CXCL8: variants seen among roughly 807,000 people sequenced by gnomAD.
CXCL8 encodes interleukin-8.
CXCL8 carries 12 observed loss-of-function variants against 10.9 expected under a neutral mutation model. That is an observed-to-expected ratio of 1.10 (90% CI 0.71 to 1.79). CXCL8 has a LOEUF of 1.79. Among genes scored for constraint, CXCL8 ranks in the 40% most tolerant of loss-of-function variants. The pLI, the probability that CXCL8 is intolerant of heterozygous loss-of-function variation, is 0.00. For synonymous variants in CXCL8, 41 were observed against 39.6 expected (o/e 1.03, Z -0.13); for missense variants, 145 against 113.4 (o/e 1.28, Z -1.26).
chr4:73,742,205 G>T (rs1374483606), intron 3 of CXCL8, 173 bp downstream of exon 3: 2 of 585,852 alleles, frequency 3.4e-6, no homozygotes, highest in Admixed American at 3.4e-5. Context: ...TGACCAGAAA[G>T]ACCATACATA....
In CXCL8 at chr4:73,742,834, T is replaced by C. The variant is rs1729218321; in HGVS notation, c.*370T>C. 4 of 236,180 alleles carry C rather than the reference T, an allele frequency of 1.7e-5. No individual in the cohort carries two copies. The Admixed American group carries it at 2.2e-4, about 13-fold the overall frequency. 14.6% of individuals were successfully genotyped at this position (236,180 alleles called of 1,614,324 possible). ...ATTGAATGGGTTTGCTAGAATGTGATATTTGAAGCATCACATAAAAATGAT... is the reference window on the plus strand; with the variant it reads ...ATTGAATGGGTTTGCTAGAATGTGACATTTGAAGCATCACATAAAAATGAT... On this transcript the variant is annotated 3_prime_UTR_variant, in exon 4 of 4. Coordinates refer to ENST00000307407, the MANE Select transcript of CXCL8 (RefSeq NM_000584.4).
In CXCL8 at chr4:73,742,512, A is replaced by T. The variant is rs1729208933; in HGVS notation, c.*48A>T. 7.8e-7 allele frequency: 1 copy of T among 1,282,246 alleles called. No individual in the cohort carries two copies. Among genetic ancestry groups the T allele is most frequent in the East Asian group, 2.4e-5 (1 of 41,730 alleles). The allele number at this position is 1,282,246 out of a possible 1,614,324, so 79.4% of individuals were successfully genotyped here. ...CCAAGAATCAGTGAAGATGCCAGTG[A>T]AACTTCAAGCAAATCTACTTCAACA... On this transcript the variant is annotated 3_prime_UTR_variant, in exon 4 of 4. Transcript: ENST00000307407.
intron 1 of CXCL8, 141 bp from the exon 2 acceptor site, chr4:73,741,401 G>T (rs1729168794): frequency 1.3e-6 from 1 of 750,338 alleles, no homozygotes; most frequent in African/African-American, 1.8e-5. Context: ...CAAGGGCTAG[G>T]AGAATATTCA....
Position 73,741,964 on chromosome 4 carries a change from T to A in CXCL8, c.216T>A (p.Asp72Glu). 3 of 1,609,666 alleles carry A rather than the reference T, an allele frequency of 1.9e-6. No individual in the cohort carries two copies. The highest frequency in any genetic ancestry group is 1.1e-5 in the South Asian group (1 of 90,844). Residue 72 changes from aspartate (D) to glutamate (E), a missense_variant, in exon 3 of 4, where the codon GAT becomes GAA. Transcript: ENST00000307407. ...CTTATTTCAGTGTAAAGCTTTCTGA[T>A]GGAAGAGAGCTCTGTCTGGACCCCA... ...ANTEIIVKLS[D>E]GRELCLDPKE...
intron 3 of CXCL8, 58 bp downstream of exon 3, chr4:73,742,090 A>G (rs1560493780): frequency 9.6e-7 from 1 of 1,036,742 alleles, no homozygotes; most frequent in Non-Finnish European, 1.4e-6. Flanking sequence ...TATAATCCAA[A>G]GTCAGCCTAT....
chr4:73,742,153 A>T, intron 3 of CXCL8, 121 bp downstream of exon 3: 1 of 350,574 alleles, frequency 2.9e-6, no homozygotes, highest in South Asian at 3.5e-5. Flanking sequence ...TTTTTGGTTA[A>T]AAAAAAAAGG....
At chr4:73,741,789 A>C in intron 2 of CXCL8, 112 bp downstream of exon 2, 1 of 1,085,700 alleles carries the variant, frequency 9.2e-7, no homozygotes, top group Middle Eastern at 2.3e-4. Context: ...AAATGAAACA[A>C]AACAAAATAA....
At chr4:73,741,901 G>C in intron 2 of CXCL8, 48 bp from the exon 3 acceptor site, 1 of 1,393,344 alleles carries the variant, frequency 7.2e-7, no homozygotes, top group African/African-American at 1.4e-5. Context: ...ATCATGATTT[G>C]AATGCAAAAA....
At position 73,742,017 on chromosome 4, in the gene CXCL8, A is replaced by C; in HGVS notation, c.269A>C (p.Glu90Ala). Residue 90 changes from glutamate (E) to alanine (A), a missense_variant, in exon 3 of 4, where the codon GAG (glutamate) becomes GCG (alanine). Coordinates refer to ENST00000307407, the MANE Select transcript of CXCL8 (RefSeq NM_000584.4). ...PKENWVQRVVEKFLKRAENS is the reference protein window; with the variant it reads ...PKENWVQRVVAKFLKRAENS ...GAAAACTGGGTGCAGAGGGTTGTGG[A>C]GAAGTTTTTGAAGAGGTAAGTTATA... is the stretch of plus-strand genomic sequence containing the variant. The C allele has an allele frequency of 1.9e-6, 3 of 1,603,376 alleles. No individual in the cohort carries two copies. The highest frequency in any genetic ancestry group is 1.7e-6 in the Non-Finnish European group (2 of 1,172,608).
chr4:73,741,912 C>G (rs1423926847), intron 2 of CXCL8, 37 bp from the exon 3 acceptor site: 2 of 1,465,910 alleles, frequency 1.4e-6, no homozygotes, highest in Admixed American at 1.7e-5. Flanking sequence ...AATGCAAAAA[C>G]TAAATATTAA....
At position 73,742,534 on chromosome 4, in the gene CXCL8, A is replaced by G. The variant is rs1174398607; in HGVS notation, c.*70A>G. The G allele has an allele frequency of 4.4e-6, 4 of 916,322 alleles. No homozygotes were observed. The highest frequency in any genetic ancestry group is 6.9e-6 in the Non-Finnish European group (4 of 578,904). The allele number at this position is 916,322 out of a possible 1,614,324, so 56.8% of individuals were successfully genotyped here. Reference sequence around the variant, plus strand: ...GTGAAACTTCAAGCAAATCTACTTCAACACTTCATGTATTGTGTGGGTCTG... The same window carrying G: ...GTGAAACTTCAAGCAAATCTACTTCGACACTTCATGTATTGTGTGGGTCTG... On this transcript the variant is annotated 3_prime_UTR_variant, in exon 4 of 4. Transcript: ENST00000307407.
rs1578113665 is a variant in CXCL8 at position 73,741,544 on chromosome 4, G to A, written c.67G>A (p.Ala23Thr). The A allele has an allele frequency of 6.2e-7, 1 of 1,612,832 alleles. No individual in the cohort carries two copies. Among genetic ancestry groups the A allele is most frequent in the Non-Finnish European group, 8.5e-7 (1 of 1,179,448 alleles). The change falls in exon 2 of 4, where the codon GCA becomes ACA. Residue 23 changes from alanine (A) to threonine (T), a missense_variant and splice_region_variant. Transcript: ENST00000307407. Reference sequence around the variant, plus strand: ...TTAATCACTTTTTCCCCCAACAGGTGCAGTTTTGCCAAGGAGTGCTAAAGA... The same window carrying A: ...TTAATCACTTTTTCCCCCAACAGGTACAGTTTTGCCAAGGAGTGCTAAAGA... ...FLISAALCEG[A>T]VLPRSAKELR...
At chr4:73,742,132 A>T (rs1384426104) in intron 3 of CXCL8, 100 bp downstream of exon 3, 4 of 642,852 alleles carry the variant, frequency 6.2e-6, no homozygotes, top group Non-Finnish European at 1.0e-5. Context: ...AATCGTCATT[A>T]GGTATCTGCC....
intron 3 of CXCL8, 97 bp downstream of exon 3, chr4:73,742,129 A>T (rs1381976004): frequency 1.5e-6 from 1 of 674,734 alleles, no homozygotes; most frequent in Non-Finnish European, 2.4e-6. Context: ...AAAAATCGTC[A>T]TTAGGTATCT....
chr4:73,740,812 C>A, intron 1 of CXCL8, 90 bp downstream of exon 1: 1 of 1,028,924 alleles, frequency 9.7e-7, no homozygotes, highest in Non-Finnish European at 1.5e-6. Flanking sequence ...TGGTAACAAA[C>A]ATCCTTTTTA....
chr4:73,741,523 T>G lies in CXCL8; in HGVS notation c.65-19T>G. The G allele has an allele frequency of 6.2e-7, 1 of 1,611,278 alleles. No individual in the cohort carries two copies. Among genetic ancestry groups the G allele is most frequent in the Non-Finnish European group, 8.5e-7 (1 of 1,178,650 alleles). On this transcript the variant is annotated intron_variant, in intron 1 of 3. Coordinates refer to ENST00000307407, the MANE Select transcript of CXCL8 (RefSeq NM_000584.4). Reference sequence around the variant, plus strand: ...GCCTGTTGATAAAATCAATCCTTAATCACTTTTTCCCCCAACAGGTGCAGT... The same window carrying G: ...GCCTGTTGATAAAATCAATCCTTAAGCACTTTTTCCCCCAACAGGTGCAGT...
At chr4:73,741,092 G>A (rs961871672) in intron 1 of CXCL8, among the ~76,000 whole-genome samples, 1 of 152,096 alleles carries the variant, frequency 6.6e-6, no homozygotes, top group African/African-American at 2.4e-5. Flanking sequence ...TCATTGACAA[G>A]CCTCAGATTT....
In CXCL8 at chr4:73,742,861, G is replaced by A. The variant is rs1420126685; in HGVS notation, c.*397G>A. The A allele has an allele frequency of 4.3e-6, 1 of 232,582 alleles. No individual in the cohort carries two copies. The highest frequency in any genetic ancestry group is 8.5e-6 in the Non-Finnish European group (1 of 117,874). 14.4% of individuals were successfully genotyped at this position (232,582 alleles called of 1,614,324 possible). A position where few individuals can be genotyped will look rare whatever the true frequency, so the allele number is the denominator to read the frequency against. ...TTTGAAGCATCACATAAAAATGATG[G>A]GACAATAAATTTTGCCATAAAGTCA... On this transcript the variant is annotated 3_prime_UTR_variant, in exon 4 of 4. Transcript: ENST00000307407.
Position 73,743,601 on chromosome 4 carries a change from A to C in CXCL8, c.*1137A>C, listed in dbSNP as rs1408403462. On this transcript the variant is annotated 3_prime_UTR_variant, in exon 4 of 4. Coordinates refer to ENST00000307407, the MANE Select transcript of CXCL8 (RefSeq NM_000584.4). ...TGCATTTTTAAATACAAGGCTTTAT[A>C]TTTTTAACTTTAAGATGTTTTTATG... The C allele has an allele frequency of 5.0e-6, 1 of 201,786 alleles. No individual in the cohort carries two copies. Among genetic ancestry groups the C allele is most frequent in the Admixed American group, 6.0e-5 (1 of 16,766 alleles). The allele number at this position is 201,786 out of a possible 1,614,324, so 12.5% of individuals were successfully genotyped here. A position where few individuals can be genotyped will look rare whatever the true frequency, so the allele number is the denominator to read the frequency against.
Sources: gnomAD v4.1 joint callset for allele counts (sites outside exome capture counted in the v4.1 genomes callset) on GRCh38, gnomAD v4.1.1 for gene constraint, MANE v1.5 for transcripts, NCBI Gene and HGNC (gene_info 2026-07-23, HGNC 2026-07-21) for gene names.